The following NCKAP5 variants were observed in gnomAD, a reference collection of about 807,000 sequenced individuals.
NCKAP5 encodes the protein nck-associated protein 5.
In NCKAP5, 92 loss-of-function variants were observed where a neutral mutation model predicts 167.0. That is an observed-to-expected ratio of 0.55 (90% CI 0.47 to 0.66). NCKAP5 has a LOEUF of 0.66. Among genes scored for constraint, NCKAP5 ranks in the 30% least tolerant of loss-of-function variants. The probability of loss-of-function intolerance (pLI) is 0.00; values close to 1 mark genes in which losing one functional copy is unlikely to be tolerated. For synonymous variants in NCKAP5, 891 were observed against 877.4 expected (o/e 1.02, Z -0.27); for missense variants, 2,378 against 2,315.0 (o/e 1.03, Z -0.56).
intron 6 of NCKAP5, among the ~76,000 whole-genome samples, chr2:133,012,317 G>A (rs566913760): frequency 7.9e-5 from 12 of 152,126 alleles, no homozygotes; most frequent in African/African-American, 2.2e-4. Context: ...GTGCTATCTC[G>A]GCTCACTGCA....
intron 8 of NCKAP5, among the ~76,000 whole-genome samples, chr2:132,904,815 T>G (rs1181499882): frequency 6.6e-6 from 1 of 152,254 alleles, no homozygotes; most frequent in Non-Finnish European, 1.5e-5. Flanking sequence ...TCATACCCTT[T>G]GCCAAGCTTC....
At chr2:133,205,316 T>TAGATAGATAGATAGATAGACAGAC (rs1271097592) in intron 5 of NCKAP5, among the ~76,000 whole-genome samples, 4 of 151,920 alleles carry the variant, frequency 2.6e-5, no homozygotes, top group African/African-American at 9.7e-5. Flanking sequence ...GATAGATAGA[T>TAGATAGATAGATAGATAGACAGAC]AGACAGACAG....
chr2:133,258,318 C>T (rs939036399), intron 4 of NCKAP5, among the ~76,000 whole-genome samples: 19 of 152,316 alleles, frequency 1.2e-4, no homozygotes, highest in African/African-American at 4.6e-4. Flanking sequence ...CCAACCTCTG[C>T]ATCATTTTCA....
chr2:133,139,359 A>G (rs2082913300), intron 5 of NCKAP5, among the ~76,000 whole-genome samples: 1 of 152,226 alleles, frequency 6.6e-6, no homozygotes, highest in Admixed American at 6.5e-5. Context: ...GTGTATACAC[A>G]TATTTTGGGG....
In NCKAP5 at chr2:132,687,348, C is replaced by T. The variant is rs1686080183; in HGVS notation, c.5714-14043G>A. Among the ~76,000 whole-genome samples the T allele has an allele frequency of 2.0e-5, 3 of 152,084 alleles. No homozygotes were observed. In the South Asian group the frequency reaches 6.2e-4, roughly 32 times the overall value. Reference sequence around the variant, plus strand: ...TAACAGGTAGCAATTGTTCACGCACCAGATCTGGCACCAGCTACCAGAGGG... The same window carrying T: ...TAACAGGTAGCAATTGTTCACGCACTAGATCTGGCACCAGCTACCAGAGGG... On this transcript the variant is annotated intron_variant, in intron 19 of 19. Transcript: ENST00000409261.
intron 8 of NCKAP5, among the ~76,000 whole-genome samples, chr2:132,938,330 T>A (rs997626615): frequency 6.6e-6 from 1 of 152,214 alleles, no homozygotes; most frequent in African/African-American, 2.4e-5. Flanking sequence ...GAGTCCTGGT[T>A]TCCCAAAAAT....
intron 6 of NCKAP5, among the ~76,000 whole-genome samples, chr2:133,096,489 A>AAAAT (rs3051199): frequency 0.036 from 5,351 of 146,830 alleles, 137 homozygotes; most frequent in African/African-American, 0.066. Flanking sequence ...CTCTGTCTCA[A>AAAAT]AAATAAATAA....
the NCKAP5 span, among the ~76,000 whole-genome samples, chr2:133,674,732 C>T: frequency 6.6e-6 from 1 of 152,106 alleles, no homozygotes; most frequent in Non-Finnish European, 1.5e-5. Flanking sequence ...TCATTGCTTT[C>T]TCTTTCATTC....
At chr2:132,686,440 C>T (rs1322821949) in intron 19 of NCKAP5, among the ~76,000 whole-genome samples, 3 of 152,150 alleles carry the variant, frequency 2.0e-5, no homozygotes, top group South Asian at 4.1e-4. Flanking sequence ...TCCCTTCATC[C>T]CTGTGTGGAC....
chr2:133,474,567 A>T (rs1262484897), intron 3 of NCKAP5, among the ~76,000 whole-genome samples: 2 of 152,236 alleles, frequency 1.3e-5, no homozygotes, highest in Non-Finnish European at 2.9e-5. Context: ...TTCTCATATT[A>T]AAATATGGGA....
At chr2:133,474,808 T>TTTG (rs1553649422) in intron 3 of NCKAP5, among the ~76,000 whole-genome samples, 38 of 151,856 alleles carry the variant, frequency 2.5e-4, no homozygotes, top group Non-Finnish European at 4.3e-4. Context: ...GGGTTTTTTT[T>TTTG]TTGTTGTTGT....
chr2:132,797,876 C>T (rs1230587038), intron 11 of NCKAP5, among the ~76,000 whole-genome samples: 1 of 152,136 alleles, frequency 6.6e-6, no homozygotes, highest in Non-Finnish European at 1.5e-5. Context: ...TCTGTGAGAG[C>T]CCTGAGTACT....
chr2:133,255,036 AG>A (rs887434839), intron 4 of NCKAP5, among the ~76,000 whole-genome samples: 12 of 152,126 alleles, frequency 7.9e-5, no homozygotes, highest in African/African-American at 2.7e-4. Context: ...ATGAAAAAAA[AG>A]TTTTCTTTTA....
At chr2:132,879,008 C>A in intron 8 of NCKAP5, 92 bp from the exon 9 acceptor site, 1 of 977,076 alleles carries the variant, frequency 1.0e-6, no homozygotes, top group Non-Finnish European at 1.6e-6. Context: ...TATATCTCCT[C>A]GTGATCCAAA....
At chr2:133,374,002 G>A (rs1685974417) in intron 3 of NCKAP5, among the ~76,000 whole-genome samples, 1 of 152,212 alleles carries the variant, frequency 6.6e-6, no homozygotes, top group South Asian at 2.1e-4. Context: ...GCAATCACAT[G>A]CCTGGGTATT....
At chr2:132,975,885 G>A (rs2076964694) in intron 7 of NCKAP5, among the ~76,000 whole-genome samples, 1 of 152,052 alleles carries the variant, frequency 6.6e-6, no homozygotes, top group Admixed American at 6.5e-5. Flanking sequence ...TAGGGAAGCT[G>A]AGCTCATGGA....
chr2:133,568,024 G>C (rs1015338345), intron 1 of NCKAP5, among the ~76,000 whole-genome samples, 192 bp downstream of exon 1: 3 of 152,100 alleles, frequency 2.0e-5, no homozygotes, highest in African/African-American at 7.2e-5. Context: ...CAGAGACAAG[G>C]GGTCCTCTAC....
chr2:132,694,208 C>T (rs1687101415), intron 19 of NCKAP5, among the ~76,000 whole-genome samples: 1 of 151,410 alleles, frequency 6.6e-6, no homozygotes, highest in Admixed American at 6.6e-5. Flanking sequence ...TTCAACACTG[C>T]CATGTGAAAT....
chr2:132,811,197 G>T (rs1325942487), intron 11 of NCKAP5, among the ~76,000 whole-genome samples: 1 of 152,178 alleles, frequency 6.6e-6, no homozygotes, highest in Non-Finnish European at 1.5e-5. Flanking sequence ...GACTCCATGA[G>T]GGTCCTTGGC....
Sources: gnomAD v4.1 joint callset for allele counts (sites outside exome capture counted in the v4.1 genomes callset) on GRCh38, gnomAD v4.1.1 for gene constraint, MANE v1.5 for transcripts, NCBI Gene and HGNC (gene_info 2026-07-23, HGNC 2026-07-21) for gene names.